CPQ: variants seen among roughly 807,000 people sequenced by gnomAD.
CPQ encodes carboxypeptidase Q.
CPQ carries 37 observed loss-of-function variants against 45.7 expected under a neutral mutation model. The ratio of observed to expected loss-of-function variants is 0.81; its 90% CI spans 0.62 to 1.07. The LOEUF is 1.07. Ranked by LOEUF, CPQ falls within the 50% of genes least tolerant of loss-of-function variation. The probability of loss-of-function intolerance (pLI) is 0.00; values close to 1 mark genes in which losing one functional copy is unlikely to be tolerated. For synonymous variants in CPQ, 186 were observed against 205.8 expected (o/e 0.90, Z 0.82); for missense variants, 537 against 572.9 (o/e 0.94, Z 0.64).
intron 4 of CPQ, among the ~76,000 whole-genome samples, chr8:96,932,906 C>T (rs890449071): frequency 5.9e-5 from 9 of 152,122 alleles, no homozygotes; most frequent in Admixed American, 6.6e-5. Context: ...GGGTTTAATG[C>T]TGTGATTCCA....
intron 7 of CPQ, among the ~76,000 whole-genome samples, chr8:97,130,184 G>A (rs562466321): frequency 6.6e-6 from 1 of 152,246 alleles, no homozygotes; most frequent in African/African-American, 2.4e-5. Flanking sequence ...AGGACAGCAC[G>A]CTTTCCTCTC....
intron 2 of CPQ, among the ~76,000 whole-genome samples, chr8:96,815,954 C>T (rs540418693): frequency 3.0e-4 from 46 of 152,220 alleles, no homozygotes; most frequent in Non-Finnish European, 2.5e-4. Flanking sequence ...AATCTTTTTG[C>T]TGGTGGTGGT....
At chr8:96,743,851 G>C (rs549550226) in intron 1 of CPQ, among the ~76,000 whole-genome samples, 1 of 152,258 alleles carries the variant, frequency 6.6e-6, no homozygotes, top group South Asian at 2.1e-4. Flanking sequence ...CTCCAGCTGC[G>C]TGCTGGGAGA....
intron 4 of CPQ, among the ~76,000 whole-genome samples, chr8:96,962,956 A>C (rs1813486834): frequency 6.6e-6 from 1 of 152,200 alleles, no homozygotes. Context: ...AGAATATGTA[A>C]TCATTCTTCT....
intron 4 of CPQ, among the ~76,000 whole-genome samples, chr8:96,939,046 A>C (rs1200406022): frequency 6.6e-6 from 1 of 152,138 alleles, no homozygotes; most frequent in East Asian, 1.9e-4. Context: ...GAACTTTTTA[A>C]AATTATGTAT....
At chr8:96,795,754 C>G (rs905538411) in intron 2 of CPQ, among the ~76,000 whole-genome samples, 1 of 151,734 alleles carries the variant, frequency 6.6e-6, no homozygotes, top group South Asian at 2.1e-4. Context: ...GGTATAAAAT[C>G]TTTTAATGTA....
chr8:96,720,860 T>C (rs1327819021), intron 1 of CPQ, among the ~76,000 whole-genome samples: 2 of 152,174 alleles, frequency 1.3e-5, no homozygotes, highest in African/African-American at 4.8e-5. Flanking sequence ...GGGGATGATA[T>C]TCCCCTTGTT....
intron 3 of CPQ, among the ~76,000 whole-genome samples, chr8:96,856,837 A>G (rs1230981006): frequency 1.3e-5 from 2 of 152,346 alleles, no homozygotes; most frequent in African/African-American, 4.8e-5. Context: ...GTTATTCTAC[A>G]TGTATTCACT....
chr8:96,778,795 G>C (rs545990602), intron 1 of CPQ, among the ~76,000 whole-genome samples: 1 of 152,072 alleles, frequency 6.6e-6, no homozygotes, highest in African/African-American at 2.4e-5. Context: ...GGCAAAGTGT[G>C]GTGGCTCACG....
intron 7 of CPQ, among the ~76,000 whole-genome samples, chr8:97,096,150 T>C (rs1330852071): frequency 6.6e-6 from 1 of 152,182 alleles, no homozygotes; most frequent in Non-Finnish European, 1.5e-5. Flanking sequence ...CATTATAATC[T>C]TATTAATGAT....
intron 4 of CPQ, among the ~76,000 whole-genome samples, chr8:96,963,533 G>T (rs1311853044): frequency 6.6e-6 from 1 of 152,124 alleles, no homozygotes; most frequent in Non-Finnish European, 1.5e-5. Context: ...TCAGTGCAAA[G>T]GGTCACCCTA....
chr8:97,089,968 C>T (rs1457704518), intron 7 of CPQ, among the ~76,000 whole-genome samples: 1 of 152,136 alleles, frequency 6.6e-6, no homozygotes, highest in Non-Finnish European at 1.5e-5. Flanking sequence ...TGGGAACCAT[C>T]CTTTGAGGAG....
intron 7 of CPQ, among the ~76,000 whole-genome samples, chr8:97,084,133 C>T (rs903055278): frequency 4.6e-5 from 7 of 152,016 alleles, no homozygotes; most frequent in African/African-American, 1.4e-4. Flanking sequence ...CAAAGAAACA[C>T]GAATAAAGTT....
intron 1 of CPQ, among the ~76,000 whole-genome samples, chr8:96,667,444 G>A (rs1808941371): frequency 6.6e-6 from 1 of 151,648 alleles, no homozygotes; most frequent in African/African-American, 2.4e-5. Flanking sequence ...CGCCTCCCGG[G>A]TTCAAGCAAT....
intron 1 of CPQ, among the ~76,000 whole-genome samples, chr8:96,682,455 C>A (rs528964606): frequency 6.6e-6 from 1 of 152,330 alleles, no homozygotes; most frequent in African/African-American, 2.4e-5. Flanking sequence ...GGCCTCCCAG[C>A]CATGTGGAAC....
chr8:96,743,824 T>G (rs1353574589), intron 1 of CPQ, among the ~76,000 whole-genome samples: 1 of 152,242 alleles, frequency 6.6e-6, no homozygotes, highest in Non-Finnish European at 1.5e-5. Flanking sequence ...GCGGAGGCAG[T>G]CTGCCCATTC....
At chr8:96,753,945 T>C (rs1207697396) in intron 1 of CPQ, among the ~76,000 whole-genome samples, 1 of 152,004 alleles carries the variant, frequency 6.6e-6, no homozygotes, top group East Asian at 1.9e-4. Context: ...TTGAATTTTA[T>C]CAAATGATCT....
chr8:96,690,593 T>C (rs1809292993), intron 1 of CPQ, among the ~76,000 whole-genome samples: 1 of 152,218 alleles, frequency 6.6e-6, no homozygotes, highest in African/African-American at 2.4e-5. Flanking sequence ...TAGGATGTGA[T>C]GCTTACTTTG....
intron 1 of CPQ, among the ~76,000 whole-genome samples, chr8:96,717,086 T>TACAC (rs112733642): frequency 0.027 from 3,296 of 121,956 alleles, 283 homozygotes; most frequent in African/African-American, 0.098. Flanking sequence ...TACGTATATA[T>TACAC]ACACACACAC....
Sources: gnomAD v4.1 joint callset for allele counts (sites outside exome capture counted in the v4.1 genomes callset) on GRCh38, gnomAD v4.1.1 for gene constraint, MANE v1.5 for transcripts, NCBI Gene and HGNC (gene_info 2026-07-23, HGNC 2026-07-21) for gene names.